EP400: variants seen among roughly 807,000 people sequenced by gnomAD.
EP400 encodes E1A-binding protein p400.
EP400 carries 105 observed loss-of-function variants against 354.1 expected under a neutral mutation model. The observed-to-expected ratio is 0.30, with a 90% CI of 0.25 to 0.35. The LOEUF is 0.35. Ranked by LOEUF, EP400 falls within the 10% of genes least tolerant of loss-of-function variation. The pLI is 1.00. For missense variants in EP400, 3,280 were observed against 4,121.0 expected (o/e 0.80, Z 5.59); for synonymous variants, 1,646 against 1,716.9 (o/e 0.96, Z 1.02).
rs542311491 is a variant in EP400, at chr12:132,064,240, C to T, written c.8335-428C>T. On this transcript the variant is annotated intron_variant, in intron 47 of 52. Transcript: ENST00000389561. ...CCTGTCTCCTTCGTTCCTCACTCTG[C>T]CCTCTCCCAAATCCATTTCAAAACC... 2.0e-5 allele frequency among the ~76,000 whole-genome samples: 3 copies of T among 152,320 alleles called. No homozygotes were observed. In the South Asian group the frequency reaches 6.2e-4, roughly 32 times the overall value.
chr12:132,044,846 TCGAC>T lies in EP400; in HGVS notation c.6678_6681del (p.Asp2227ArgfsTer22). The stretch of plus-strand genomic sequence containing the variant: ...CCGCAGGACGACAGCGACATCTACC[TCGAC>T]TCGGTCATGTGTCTCATGTATGAAG... On this transcript the variant is annotated frameshift_variant, in exon 37 of 53. Coordinates refer to ENST00000389561, the MANE Select transcript of EP400 (RefSeq NM_015409.5). LOFTEE classifies it high-confidence loss of function. The T allele has an allele frequency of 6.2e-7, 1 of 1,614,074 alleles. No individual in the cohort carries two copies. The highest frequency in any genetic ancestry group is 8.5e-7 in the Non-Finnish European group (1 of 1,180,008).
intron 12 of EP400, among the ~76,000 whole-genome samples, chr12:131,995,783 G>C (rs903182713): frequency 6.8e-6 from 1 of 147,968 alleles, no homozygotes; most frequent in African/African-American, 2.6e-5. Context: ...CGTTCATCTT[G>C]AGTGTGTGAG....
chr12:132,046,815 C>T (rs868122801), intron 39 of EP400, among the ~76,000 whole-genome samples: 3 of 152,260 alleles, frequency 2.0e-5, no homozygotes, highest in Non-Finnish European at 4.4e-5. Flanking sequence ...TCTGCATGCT[C>T]TACTGTGCCC....
In EP400 at chr12:132,061,845, C is replaced by T. The variant is rs992764593; in HGVS notation, c.7885-265C>T. On this transcript the variant is annotated intron_variant, in intron 45 of 52. Coordinates refer to ENST00000389561, the MANE Select transcript of EP400 (RefSeq NM_015409.5). Reference sequence around the variant, plus strand: ...TTTGTGCGGAGAGGGAGGGACAGGACGGCCTTTCCAGCATGTGCACGGGCG... The same window carrying T: ...TTTGTGCGGAGAGGGAGGGACAGGATGGCCTTTCCAGCATGTGCACGGGCG... Among the ~76,000 whole-genome samples, 5 of 152,252 alleles carry T rather than the reference C, an allele frequency of 3.3e-5. No individual in the cohort carries two copies. The South Asian group carries it at 8.3e-4, about 25-fold the overall frequency.
At chr12:132,057,081 GAGTCCAC>G (rs1215700621) in intron 45 of EP400, among the ~76,000 whole-genome samples, 1 of 152,228 alleles carries the variant, frequency 6.6e-6, no homozygotes, top group East Asian at 1.9e-4. Flanking sequence ...TGGGAATGCA[GAGTCCAC>G]AGTCGCTTCC....
chr12:131,993,865 A>G (rs540706678), intron 11 of EP400, among the ~76,000 whole-genome samples: 5 of 152,368 alleles, frequency 3.3e-5, no homozygotes, highest in African/African-American at 1.2e-4. Context: ...AAACGGCATT[A>G]TGTGGTGCTC....
chr12:132,012,880 A>G (rs922723576), intron 16 of EP400, 129 bp from the exon 17 acceptor site: 8 of 997,908 alleles, frequency 8.0e-6, no homozygotes, highest in Non-Finnish European at 9.6e-6. Context: ...AAGTTATTTA[A>G]AAAAGCAAGT....
intron 48 of EP400, 151 bp downstream of exon 48, chr12:132,065,037 G>T (rs1222108535): frequency 7.3e-7 from 1 of 1,366,414 alleles, no homozygotes; most frequent in Non-Finnish European, 9.7e-7. Context: ...TTGGACAGAG[G>T]ACGGGACTCA....
rs1555223325 is a variant in EP400 at position 132,062,590 on chromosome 12, G to GCAGCAA, written c.8225_8226insGCAACA (p.Gln2747_Gln2748dup). On this transcript the variant is annotated inframe_insertion, in exon 47 of 53. Transcript: ENST00000389561. ...AGCAGCAGCAGCAGCAGCAGCAGCAGCAACAGCAGCAGCAGCAACAGACGA... is the reference window on the plus strand; with the variant it reads ...AGCAGCAGCAGCAGCAGCAGCAGCAGCAGCAACAACAGCAGCAGCAGCAACAGACGA... 9.6e-5 allele frequency: 154 copies of GCAGCAA among 1,598,434 alleles called. No homozygotes were observed. Among genetic ancestry groups the GCAGCAA allele is most frequent in the Admixed American group, 4.0e-4 (24 of 59,586 alleles).
At chr12:131,951,559 TC>T (rs1375628214) in intron 1 of EP400, among the ~76,000 whole-genome samples, 1 of 152,208 alleles carries the variant, frequency 6.6e-6, no homozygotes, top group Non-Finnish European at 1.5e-5. Flanking sequence ...GTTGTCATTT[TC>T]TTTAGCAGAA....
At position 132,077,993 on chromosome 12, in the gene EP400, ATTTC is replaced by A; in HGVS notation, c.*324_*327del. The A allele has an allele frequency of 3.2e-6, 1 of 312,726 alleles. No individual in the cohort carries two copies. Among genetic ancestry groups the A allele is most frequent in the Admixed American group, 4.7e-5 (1 of 21,472 alleles). 19.4% of individuals were successfully genotyped at this position (312,726 alleles called of 1,614,324 possible). On this transcript the variant is annotated 3_prime_UTR_variant, in exon 53 of 53. Transcript: ENST00000389561. ...TACTGTGTTCTGAAAGCCATTTAGA[ATTTC>A]TTTGTGAGCATGTAGTGCTTTGCAC... is the stretch of plus-strand genomic sequence containing the variant.
intron 45 of EP400, among the ~76,000 whole-genome samples, chr12:132,058,684 G>A (rs1295308526): frequency 6.6e-6 from 1 of 152,086 alleles, no homozygotes; most frequent in Non-Finnish European, 1.5e-5. Flanking sequence ...GCAGTGGGGA[G>A]CCCTTAACGG....
In EP400 at chr12:132,045,917, T is replaced by A. The variant is rs774277488; in HGVS notation, c.7200+17T>A. On this transcript the variant is annotated intron_variant, in intron 39 of 52. Coordinates refer to ENST00000389561, the MANE Select transcript of EP400 (RefSeq NM_015409.5). ...GAGGGGAAGGTAAGCACGGTCTCGT[T>A]TGTCCTTCGAGGAGAGCACAGGCAG... The A allele has an allele frequency of 6.2e-7, 1 of 1,613,470 alleles. No homozygotes were observed. The highest frequency in any genetic ancestry group is 1.7e-5 in the Admixed American group (1 of 59,974).
At chr12:132,031,083 G>C in intron 29 of EP400, 1 of 412,978 alleles carries the variant, frequency 2.4e-6, no homozygotes, top group Non-Finnish European at 4.8e-6. Flanking sequence ...TCTGTAGAAT[G>C]CCTGGAAGGA....
chr12:132,015,498 G>C (rs574408600), intron 19 of EP400, among the ~76,000 whole-genome samples: 4 of 152,216 alleles, frequency 2.6e-5, no homozygotes, highest in African/African-American at 9.7e-5. Flanking sequence ...CACGCCCTGC[G>C]TACAGAGACC....
rs1262883442 is a variant in EP400 at position 132,025,039 on chromosome 12, C to T, written c.4856-607C>T. On this transcript the variant is annotated intron_variant, in intron 24 of 52. Transcript: ENST00000389561. The surrounding 1 kb of genome is among the most constrained non-coding windows in gnomAD (Gnocchi z 4.1). Reference sequence around the variant, plus strand: ...GCCTGCCACAGAGAAACGATTCAGTCTGGTTTACTTCCTTTTTTTTTTTCT... The same window carrying T: ...GCCTGCCACAGAGAAACGATTCAGTTTGGTTTACTTCCTTTTTTTTTTTCT... 6.6e-6 allele frequency among the ~76,000 whole-genome samples: 1 copy of T among 152,042 alleles called. No individual in the cohort carries two copies. Among genetic ancestry groups the T allele is most frequent in the East Asian group, 1.9e-4 (1 of 5,196 alleles).
In EP400 at chr12:132,067,384, C is replaced by T. The variant is rs750029348; in HGVS notation, c.8772C>T (p.Pro2924=). The change falls in exon 50 of 53, where the codon CCC becomes CCT. Residue 2924 remains proline (P), a synonymous_variant. Transcript: ENST00000389561. The surrounding 1 kb of genome is among the most constrained non-coding windows in gnomAD (Gnocchi z 5.3). ...KAAGQTVVAQ[P]VHMQQLLKLK... is the part of the protein sequence containing the mutation. Reference sequence around the variant, plus strand: ...CAGGACAGACCGTGGTGGCCCAGCCCGTGCACATGCAGCAGCTGCTGAAGC... The same window carrying T: ...CAGGACAGACCGTGGTGGCCCAGCCTGTGCACATGCAGCAGCTGCTGAAGC... The T allele has an allele frequency of 9.3e-6, 15 of 1,613,382 alleles. No homozygotes were observed. Among genetic ancestry groups the T allele is most frequent in the Admixed American group, 8.3e-5 (5 of 60,014 alleles).
rs185305690 is a variant in EP400, at chr12:132,052,621, A to G, written c.7395-525A>G. 5.3e-3 allele frequency among the ~76,000 whole-genome samples: 804 copies of G among 152,298 alleles called. 5 individuals carry two copies. The highest frequency in any genetic ancestry group is 5.4e-3 in the Non-Finnish European group (366 of 68,036). ...TGAGTGCTGTGATCGCTGGGACTCT[A>G]GCGTCTGGGAGCACAGACCCATCAT... On this transcript the variant is annotated intron_variant, in intron 41 of 52. Coordinates refer to ENST00000389561, the MANE Select transcript of EP400 (RefSeq NM_015409.5). This position sits in a 1 kb window ranked among gnomAD's most constrained non-coding sequence, Gnocchi z 4.4.
rs1316051165 is a variant in EP400 at position 132,032,108 on chromosome 12, G to C, written c.5910G>C (p.Trp1970Cys). 6.2e-7 allele frequency: 1 copy of C among 1,614,164 alleles called. No homozygotes were observed. The highest frequency in any genetic ancestry group is 1.7e-5 in the Admixed American group (1 of 60,020). The change falls in exon 30 of 53, where the codon TGG becomes TGC. Residue 1970 changes from tryptophan (W) to cysteine (C), a missense_variant. Physicochemically the swap from Trp to Cys is radical, Grantham distance 215 (BLOSUM62 -2). Coordinates refer to ENST00000389561, the MANE Select transcript of EP400 (RefSeq NM_015409.5). ...NPVMDAKAQE[W>C]CDRIGRCKDI... Reference sequence around the variant, plus strand: ...TGATGGATGCCAAAGCTCAGGAGTGGTGCGATAGGATCGGGAGATGCAAAG... The same window carrying C: ...TGATGGATGCCAAAGCTCAGGAGTGCTGCGATAGGATCGGGAGATGCAAAG...
Sources: allele counts gnomAD v4.1 joint callset (sites outside exome capture counted in the v4.1 genomes callset), GRCh38; gene constraint gnomAD v4.1.1; non-coding constraint Gnocchi (gnomAD v3.1); transcripts MANE v1.5; gene names NCBI Gene and HGNC (gene_info 2026-07-23, HGNC 2026-07-21).